The following ARID4A variants were observed in gnomAD, a reference collection of about 807,000 sequenced individuals.
ARID4A encodes AT-rich interactive domain-containing protein 4A.
In ARID4A, 39 loss-of-function variants were observed where a neutral mutation model predicts 148.6. That is an observed-to-expected ratio of 0.26 (90% CI 0.20 to 0.34). The LOEUF is 0.34. ARID4A is among the 10% of genes least tolerant of loss of function. ARID4A has a pLI of 1.00. For synonymous variants in ARID4A, 475 were observed against 481.2 expected, an observed-to-expected ratio of 0.99 and a Z score of 0.17; for missense variants, 1,265 against 1,449.1, an observed-to-expected ratio of 0.87 and a Z score of 2.06.
At position 58,318,822 on chromosome 14, in the gene ARID4A, A is replaced by G. The variant is rs1205412086; in HGVS notation, c.449+17A>G. On this transcript the variant is annotated intron_variant, in intron 7 of 23. Coordinates refer to ENST00000355431, the MANE Select transcript of ARID4A (RefSeq NM_002892.4). ...TCTTCCTGTGTGAGTTTTTTCATATATGGTATCATTTTAATTACAATTATT... is the reference window on the plus strand; with the variant it reads ...TCTTCCTGTGTGAGTTTTTTCATATGTGGTATCATTTTAATTACAATTATT... The G allele has an allele frequency of 1.9e-6, 3 of 1,578,800 alleles. No homozygotes were observed. The highest frequency in any genetic ancestry group is 1.1e-5 in the South Asian group (1 of 89,836).
chr14:58,318,510 A>G lies in ARID4A; in HGVS notation c.275-32A>G, dbSNP rs766606284. 6 of 1,601,530 alleles carry G rather than the reference A, an allele frequency of 3.7e-6. No individual in the cohort carries two copies. In the African/African-American group the frequency reaches 4.0e-5, roughly 11 times the overall value. ...TTAAGTTTTTATTTCATTAGTGTGC[A>G]TAAATTCTCTGTTATCTTTTGCTTA... On this transcript the variant is annotated intron_variant, in intron 5 of 23. Transcript: ENST00000355431.
At chr14:58,322,388 C>T (rs1319254445) in intron 7 of ARID4A, among the ~76,000 whole-genome samples, 1 of 152,062 alleles carries the variant, frequency 6.6e-6, no homozygotes, top group Non-Finnish European at 1.5e-5. Context: ...CTGAAAACTC[C>T]TTCATACTTA....
At chr14:58,334,626 G>A (rs1039085698) in intron 11 of ARID4A, among the ~76,000 whole-genome samples, 11 of 152,072 alleles carry the variant, frequency 7.2e-5, no homozygotes, top group African/African-American at 2.7e-4. Context: ...AAGAAATTGG[G>A]AGCTTCAGAT....
chr14:58,346,046 G>C (rs1364900213), intron 12 of ARID4A, among the ~76,000 whole-genome samples: 1 of 151,524 alleles, frequency 6.6e-6, no homozygotes, highest in Non-Finnish European at 1.5e-5. Flanking sequence ...CTATGCCCAA[G>C]CGTCTTGAAC....
chr14:58,341,862 G>A (rs983768645), intron 11 of ARID4A, among the ~76,000 whole-genome samples: 3 of 152,184 alleles, frequency 2.0e-5, no homozygotes, highest in East Asian at 1.9e-4. Context: ...TTCTTTACAT[G>A]TATAAATGTA....
rs2035651586 is a variant in ARID4A, at chr14:58,372,414, AG to A, written c.*430del. ...AGATGTATTTGAACACTTGGTGAGT[AG>A]GGGGTTTATGTTGTGTTTTTTTTCA... On this transcript the variant is annotated 3_prime_UTR_variant, in exon 24 of 24. Transcript: ENST00000355431. 7 of 238,400 alleles carry A rather than the reference AG, an allele frequency of 2.9e-5. No individual in the cohort carries two copies. In the South Asian group the frequency reaches 1.2e-3, roughly 39 times the overall value. 14.8% of individuals were successfully genotyped at this position (238,400 alleles called of 1,614,324 possible).
At chr14:58,322,743 C>G (rs545636728) in intron 7 of ARID4A, among the ~76,000 whole-genome samples, 61 of 151,956 alleles carry the variant, frequency 4.0e-4, no homozygotes, top group Non-Finnish European at 7.1e-4. Context: ...GGGCAGATCA[C>G]TTAAGGTCAG....
At chr14:58,370,654 C>T (rs147536727) in intron 23 of ARID4A, among the ~76,000 whole-genome samples, 17 of 151,954 alleles carry the variant, frequency 1.1e-4, no homozygotes, top group Middle Eastern at 3.4e-3. Context: ...CTCTGGCACC[C>T]AGACTGGAGT....
intron 8 of ARID4A, 93 bp downstream of exon 8, chr14:58,323,710 TAAAC>T: frequency 8.3e-7 from 1 of 1,210,838 alleles, no homozygotes; most frequent in Non-Finnish European, 1.2e-6. Flanking sequence ...TTGAAAGTAT[TAAAC>T]AAATTTGGAC....
rs755216548 is a variant in ARID4A at position 58,366,938 on chromosome 14, A to G, written c.3579A>G (p.Leu1193=). The part of the protein sequence containing the change: ...TERISFLQEK[L]QEIRKYYMSL... ...GAATCTCATTTCTCCAAGAAAAACT[A>G]CAGGAAATCAGAAAATATTATATGT... The change falls in exon 23 of 24, where the codon CTA becomes CTG. Residue 1193 remains leucine (L), a synonymous_variant. Transcript: ENST00000355431. The G allele has an allele frequency of 1.3e-5, 20 of 1,522,480 alleles. No individual in the cohort carries two copies. Among genetic ancestry groups the G allele is most frequent in the Admixed American group, 2.4e-5 (1 of 41,102 alleles). 94.3% of individuals were successfully genotyped at this position (1,522,480 alleles called of 1,614,324 possible).
intron 5 of ARID4A, among the ~76,000 whole-genome samples, chr14:58,314,453 G>C (rs2032270358): frequency 6.6e-6 from 1 of 152,004 alleles, no homozygotes; most frequent in Non-Finnish European, 1.5e-5. Context: ...ATAGAATCAG[G>C]GTCTCACTTT....
intron 17 of ARID4A, among the ~76,000 whole-genome samples, chr14:58,358,484 ATTTAAAATAAAT>A (rs879383557): frequency 6.6e-6 from 1 of 152,156 alleles, no homozygotes; most frequent in East Asian, 1.9e-4. Context: ...TAAAAATAAA[ATTTAAAATAAAT>A]TTTAAAATAA....
rs1425159086 is a variant in ARID4A at position 58,366,076 on chromosome 14, T to C, written c.3369T>C (p.Cys1123=). 3 of 1,613,890 alleles carry C rather than the reference T, an allele frequency of 1.9e-6. No homozygotes were observed. Among genetic ancestry groups the C allele is most frequent in the Admixed American group, 3.3e-5 (2 of 60,016 alleles). The change falls in exon 22 of 24, where the codon TGT becomes TGC. Residue 1123 remains cysteine, a synonymous_variant. Coordinates refer to ENST00000355431, the MANE Select transcript of ARID4A (RefSeq NM_002892.4). ...DLPVLDNSSK[C]TPVKHLNVSK... Reference sequence around the variant, plus strand: ...CTGTCCTAGACAATTCAAGTAAATGTACCCCAGTAAAGCATCTTAATGTAT... The same window carrying C: ...CTGTCCTAGACAATTCAAGTAAATGCACCCCAGTAAAGCATCTTAATGTAT...
chr14:58,371,263 C>T (rs2035599965), intron 23 of ARID4A, among the ~76,000 whole-genome samples: 1 of 152,020 alleles, frequency 6.6e-6, no homozygotes, highest in Non-Finnish European at 1.5e-5. Flanking sequence ...AAAATAGGAA[C>T]AATCAGGCAA....
chr14:58,347,173 T>G (rs2034414286), intron 14 of ARID4A, 56 bp downstream of exon 14: 6 of 1,009,218 alleles, frequency 5.9e-6, no homozygotes, highest in Non-Finnish European at 8.5e-6. Context: ...ATATTTTCCA[T>G]TTACTTTGTT....
chr14:58,301,536 GAGGCATAGTAA>G (rs770233006), intron 2 of ARID4A, 33 bp from the exon 3 acceptor site: 1 of 1,385,016 alleles, frequency 7.2e-7, no homozygotes, highest in Non-Finnish European at 1.0e-6. Flanking sequence ...TTGGAGTAGG[GAGGCATAGTAA>G]TGACATTCAC....
chr14:58,345,663 A>C (rs942457571), intron 12 of ARID4A, among the ~76,000 whole-genome samples: 4 of 151,922 alleles, frequency 2.6e-5, no homozygotes, highest in Admixed American at 6.6e-5. Flanking sequence ...CAAAGTAGTG[A>C]AAGTGGAACC....
chr14:58,329,577 C>A lies in ARID4A; in HGVS notation c.712C>A (p.Pro238Thr). 6.2e-7 allele frequency: 1 copy of A among 1,606,668 alleles called. No homozygotes were observed. Among genetic ancestry groups the A allele is most frequent in the Non-Finnish European group, 8.5e-7 (1 of 1,173,516 alleles). ...TAAGGAAGTAGACATTCTCAATCTA[C>A]CGGAATCTGAGCTCTCCACTAAACC... Reference protein sequence around the residue: ...DIKEVDILNLPESELSTKPGL... With the variant: ...DIKEVDILNLTESELSTKPGL... Residue 238 changes from proline to threonine, a missense_variant, in exon 10 of 24, where the codon CCG becomes ACG. This residue lies in a region of ARID4A where 249 missense variants were observed against 277.2 expected (regional missense o/e 0.90). Transcript: ENST00000355431.
chr14:58,315,960 A>G (rs963801589), intron 5 of ARID4A, among the ~76,000 whole-genome samples: 1 of 152,218 alleles, frequency 6.6e-6, no homozygotes, highest in Non-Finnish European at 1.5e-5. Flanking sequence ...ATGTAAAAGA[A>G]TCTAAGCTAG....
Sources: allele counts gnomAD v4.1 joint callset (sites outside exome capture counted in the v4.1 genomes callset), GRCh38; gene constraint gnomAD v4.1.1; regional missense constraint gnomAD v4.1.1; transcripts MANE v1.5; gene names NCBI Gene and HGNC (gene_info 2026-07-23, HGNC 2026-07-21).